CDH18: variants seen among roughly 807,000 people sequenced by gnomAD.
CDH18 encodes the protein cadherin 18, also known as cadherin-18.
A neutral mutation model predicts 67.9 loss-of-function variants in CDH18; 31 were observed. The ratio of observed to expected loss-of-function variants is 0.46; its 90% confidence interval spans 0.34 to 0.62. The LOEUF is 0.62. Among genes scored for constraint, CDH18 ranks in the 20% least tolerant of loss-of-function variants. The probability of loss-of-function intolerance (pLI) is 0.01; values close to 1 mark genes in which losing one functional copy is unlikely to be tolerated. For synonymous variants in CDH18, 362 were observed against 347.2 expected, an observed-to-expected ratio of 1.04 and a Z score of -0.48; for missense variants, 890 against 975.5, an observed-to-expected ratio of 0.91 and a Z score of 1.17.
intron 3 of CDH18, among the ~76,000 whole-genome samples, chr5:19,779,046 T>G (rs1163804138): frequency 6.6e-6 from 1 of 152,204 alleles, no homozygotes; most frequent in East Asian, 1.9e-4. Context: ...CAGTTTGCAT[T>G]ATATAAAATA....
At chr5:20,196,748 T>C (rs1249936831) in intron 2 of CDH18, among the ~76,000 whole-genome samples, 2 of 152,224 alleles carry the variant, frequency 1.3e-5, no homozygotes, top group Non-Finnish European at 2.9e-5. Flanking sequence ...TGTAGATAGC[T>C]ACATTCCTAT....
intron 5 of CDH18, among the ~76,000 whole-genome samples, chr5:19,698,845 T>C (rs1400221090): frequency 6.6e-6 from 1 of 152,132 alleles, no homozygotes; most frequent in African/African-American, 2.4e-5. Flanking sequence ...GATCACCATC[T>C]CAGGTTTGAT....
chr5:19,774,008 T>C (rs916771977), intron 3 of CDH18, among the ~76,000 whole-genome samples: 10 of 152,218 alleles, frequency 6.6e-5, no homozygotes, highest in Non-Finnish European at 1.3e-4. Flanking sequence ...TGAGGGACTC[T>C]ACTATTTCTC....
rs185930622 is a variant in CDH18 at position 19,683,165 on chromosome 5, T to C, written c.643+38182A>G. Among the ~76,000 whole-genome samples, 288 of 152,064 alleles carry C rather than the reference T, an allele frequency of 1.9e-3. 3 individuals are homozygous for C. The highest frequency in any genetic ancestry group is 6.7e-3 in the African/African-American group (279 of 41,528). On this transcript the variant is annotated intron_variant, in intron 5 of 12. Coordinates refer to ENST00000382275, the MANE Select transcript of CDH18 (RefSeq NM_004934.5). ...TCTGAAATTTGTGTTCTGCAAGTGATCAACAGACCTCTGTGCAAATAGGAA... is the reference window on the plus strand; with the variant it reads ...TCTGAAATTTGTGTTCTGCAAGTGACCAACAGACCTCTGTGCAAATAGGAA...
At chr5:19,850,694 A>C (rs561125984) in intron 2 of CDH18, among the ~76,000 whole-genome samples, 2 of 152,012 alleles carry the variant, frequency 1.3e-5, no homozygotes, top group Admixed American at 1.3e-4. Flanking sequence ...TTTTGCTTTC[A>C]GTCTCCCAGA....
intron 1 of CDH18, among the ~76,000 whole-genome samples, chr5:20,557,040 G>A (rs1333951216): frequency 4.6e-5 from 7 of 152,034 alleles, no homozygotes; most frequent in African/African-American, 1.4e-4. Context: ...TTCTTGGAAA[G>A]TCTCAAATTA....
In CDH18 at chr5:19,645,792, C is replaced by T. The variant is rs551469432; in HGVS notation, c.644-33191G>A. ...ATTACCCTAGAAGCCATAATGCCAA[C>T]GCTATCGATGAGGTGAGAAAGTGAA... On this transcript the variant is annotated intron_variant, in intron 5 of 12. Coordinates refer to ENST00000382275, the MANE Select transcript of CDH18 (RefSeq NM_004934.5). 5.3e-5 allele frequency among the ~76,000 whole-genome samples: 8 copies of T among 152,168 alleles called. No homozygotes were observed. The East Asian group carries it at 5.8e-4, about 11-fold the overall frequency.
chr5:19,974,523 A>C (rs950407969), intron 2 of CDH18, among the ~76,000 whole-genome samples: 2 of 145,540 alleles, frequency 1.4e-5, no homozygotes, highest in Admixed American at 6.9e-5. Context: ...TGTCTCCCAA[A>C]AAAAAAAAAA....
At chr5:20,135,377 T>C (rs1312993985) in intron 2 of CDH18, among the ~76,000 whole-genome samples, 3 of 152,224 alleles carry the variant, frequency 2.0e-5, no homozygotes, top group Admixed American at 1.3e-4. Context: ...TTGATTTGCA[T>C]AGAGGTGATT....
chr5:19,813,177 A>G (rs1778927881), intron 3 of CDH18, among the ~76,000 whole-genome samples: 1 of 152,040 alleles, frequency 6.6e-6, no homozygotes, highest in Non-Finnish European at 1.5e-5. Context: ...CATTAGGAGA[A>G]ATATCTAATG....
At chr5:19,494,256 G>A (rs1741933420) in intron 11 of CDH18, among the ~76,000 whole-genome samples, 1 of 152,026 alleles carries the variant, frequency 6.6e-6, no homozygotes, top group Non-Finnish European at 1.5e-5. Flanking sequence ...TATCTTCAAT[G>A]TGCCTATTAT....
chr5:19,821,729 T>A (rs1371451331), intron 3 of CDH18, among the ~76,000 whole-genome samples: 2 of 152,022 alleles, frequency 1.3e-5, no homozygotes, highest in Admixed American at 1.3e-4. Flanking sequence ...TCAAATCACT[T>A]ACAAAGGGAA....
intron 1 of CDH18, among the ~76,000 whole-genome samples, chr5:20,329,693 C>G (rs1283930235): frequency 6.7e-6 from 1 of 148,788 alleles, no homozygotes; most frequent in African/African-American, 2.5e-5. Context: ...TTTCTTGAAC[C>G]CCGGAGGCGG....
Position 19,717,050 on chromosome 5 carries a change from AC to A in CDH18, c.643+4296del, listed in dbSNP as rs765485778. On this transcript the variant is annotated intron_variant, in intron 5 of 12. Transcript: ENST00000382275. ...CCATTACTGACTGTCAATGATTTAT[AC>A]ATTTCATGTTAATTATGGTCAAAAG... Among the ~76,000 whole-genome samples the A allele has an allele frequency of 2.6e-5, 4 of 152,206 alleles. No individual in the cohort carries two copies. In the East Asian group the frequency reaches 5.8e-4, roughly 22 times the overall value.
At chr5:19,605,747 C>T (rs1017599341) in intron 6 of CDH18, among the ~76,000 whole-genome samples, 3 of 152,040 alleles carry the variant, frequency 2.0e-5, no homozygotes, top group African/African-American at 7.2e-5. Context: ...TTTATATGCA[C>T]ATATACTGAG....
chr5:19,527,694 A>G (rs918689325), intron 9 of CDH18, among the ~76,000 whole-genome samples: 8 of 151,862 alleles, frequency 5.3e-5, no homozygotes, highest in Admixed American at 3.3e-4. Flanking sequence ...AAAATTACAA[A>G]GCATTTAGAA....
chr5:20,330,367 CAG>C (rs1440749683), intron 1 of CDH18, among the ~76,000 whole-genome samples: 2 of 152,058 alleles, frequency 1.3e-5, no homozygotes, highest in Non-Finnish European at 2.9e-5. Context: ...CCAGTAATAT[CAG>C]GGGACCATCA....
At chr5:20,554,016 G>A (rs1459580368) in intron 1 of CDH18, among the ~76,000 whole-genome samples, 4 of 152,124 alleles carry the variant, frequency 2.6e-5, no homozygotes, top group Admixed American at 2.6e-4. Flanking sequence ...CTAACATTAG[G>A]ACTCTATAAA....
chr5:20,207,689 A>C (rs1439532886), intron 2 of CDH18, among the ~76,000 whole-genome samples: 2 of 152,110 alleles, frequency 1.3e-5, no homozygotes, highest in Non-Finnish European at 2.9e-5. Context: ...GGTCCCTCCC[A>C]CAACATGTGA....
Sources: allele counts gnomAD v4.1 joint callset (sites outside exome capture counted in the v4.1 genomes callset), GRCh38; gene constraint gnomAD v4.1.1; transcripts MANE v1.5; gene names NCBI Gene and HGNC (gene_info 2026-07-23, HGNC 2026-07-21).